The following FBXO25 variants were observed in gnomAD, a reference collection of about 807,000 sequenced individuals.
The protein encoded by FBXO25 is F-box only protein 25.
FBXO25 carries 45 observed loss-of-function variants against 51.9 expected under a neutral mutation model. The observed-to-expected ratio is 0.87, with a 90% CI of 0.68 to 1.11. The LOEUF (loss-of-function observed/expected upper bound fraction) is 1.11, where lower values mean the gene tolerates loss of function less well. FBXO25 is among the 50% of genes most tolerant of loss of function. FBXO25 has a pLI of 0.00. For synonymous variants in FBXO25, 199 were observed against 151.0 expected (o/e 1.32, Z -2.33); for missense variants, 507 against 428.5 (o/e 1.18, Z -1.62).
intron 2 of FBXO25, among the ~76,000 whole-genome samples, chr8:425,449 T>G (rs1016423468): frequency 6.6e-6 from 1 of 151,806 alleles, no homozygotes; most frequent in Non-Finnish European, 1.5e-5. Flanking sequence ...TTTGGTTGAT[T>G]ATTTTATCTT....
intron 9 of FBXO25, chr8:467,764 C>T (rs377525243): frequency 1.9e-6 from 3 of 1,613,680 alleles, no homozygotes; most frequent in African/African-American, 1.3e-5. Context: ...CCTGTCTTGC[C>T]ACACATCCTG....
intron 7 of FBXO25, among the ~76,000 whole-genome samples, chr8:454,766 C>G (rs996052968): frequency 6.6e-6 from 1 of 151,970 alleles, no homozygotes; most frequent in Non-Finnish European, 1.5e-5. Context: ...TGGGACGTGC[C>G]TGTGGTCCCA....
intron 6 of FBXO25, 149 bp from the exon 7 acceptor site, chr8:451,120 T>G: frequency 1.6e-6 from 1 of 628,616 alleles, no homozygotes; most frequent in South Asian, 2.5e-5. Context: ...TCCCTCCTTT[T>G]TAGGGCTGAA....
In FBXO25 at chr8:474,851, C is replaced by G. The variant is rs1318609300; in HGVS notation, c.*6047C>G. On this transcript the variant is annotated 3_prime_UTR_variant, in exon 10 of 10. Transcript: ENST00000350302. ...GAAGTTGTTTCTTTCTTTTAGTTAC[C>G]TGTGTGTGCCTCTGGTGTCATATCT... is the stretch of plus-strand genomic sequence containing the variant. The G allele has an allele frequency of 4.4e-6, 2 of 451,820 alleles. No individual in the cohort carries two copies. Among genetic ancestry groups the G allele is most frequent in the East Asian group, 7.0e-5 (1 of 14,354 alleles). 28.0% of individuals were successfully genotyped at this position (451,820 alleles called of 1,614,324 possible).
At position 471,910 on chromosome 8, in the gene FBXO25, T is replaced by C. The variant is rs991421583; in HGVS notation, c.*3106T>C. On this transcript the variant is annotated 3_prime_UTR_variant, in exon 10 of 10. Coordinates refer to ENST00000350302, the MANE Select transcript of FBXO25 (RefSeq NM_183420.2). ...AAAATTTAACCATCTGTGAACAGTT[T>C]TTTGCCTTAAGTGCTGCTTTTAGAA... The C allele has an allele frequency of 3.3e-5, 5 of 152,224 alleles. No individual in the cohort carries two copies. The highest frequency in any genetic ancestry group is 1.2e-4 in the African/African-American group (5 of 41,440). 9.4% of individuals were successfully genotyped at this position (152,224 alleles called of 1,614,324 possible). A position where few individuals can be genotyped will look rare whatever the true frequency, so the allele number is the denominator to read the frequency against.
Position 470,940 on chromosome 8 carries a change from G to A in FBXO25, c.*2136G>A, listed in dbSNP as rs533363705. 6.6e-6 allele frequency: 1 copy of A among 152,180 alleles called. No homozygotes were observed. The highest frequency in any genetic ancestry group is 1.5e-5 in the Non-Finnish European group (1 of 67,986). 9.4% of individuals were successfully genotyped at this position (152,180 alleles called of 1,614,324 possible). Reference sequence around the variant, plus strand: ...TTTTCATGTTAGTTTCTTCTTAAAAGGAAACTATCCTTTTGAAGTTGTGGT... The same window carrying A: ...TTTTCATGTTAGTTTCTTCTTAAAAAGAAACTATCCTTTTGAAGTTGTGGT... On this transcript the variant is annotated 3_prime_UTR_variant, in exon 10 of 10. Coordinates refer to ENST00000350302, the MANE Select transcript of FBXO25 (RefSeq NM_183420.2).
chr8:421,761 G>C (rs1797170684), intron 2 of FBXO25, among the ~76,000 whole-genome samples: 1 of 152,212 alleles, frequency 6.6e-6, no homozygotes, highest in Non-Finnish European at 1.5e-5. Context: ...CCTCAGGGAA[G>C]GGGTTGGTTC....
At chr8:416,945 C>A (rs998910887) in intron 2 of FBXO25, among the ~76,000 whole-genome samples, 1 of 152,160 alleles carries the variant, frequency 6.6e-6, no homozygotes, top group Non-Finnish European at 1.5e-5. Flanking sequence ...AGAGGAAGAT[C>A]TATAGAGAGT....
In FBXO25 at chr8:470,294, C is replaced by G. The variant is rs1780168752; in HGVS notation, c.*1490C>G. ...CAACCACTGGTAGTACAGCCAACATCATGAGTCAAACATATTTTAAGGCTT... is the reference window on the plus strand; with the variant it reads ...CAACCACTGGTAGTACAGCCAACATGATGAGTCAAACATATTTTAAGGCTT... On this transcript the variant is annotated 3_prime_UTR_variant, in exon 10 of 10. Coordinates refer to ENST00000350302, the MANE Select transcript of FBXO25 (RefSeq NM_183420.2). The G allele has an allele frequency of 1.3e-5, 2 of 152,180 alleles. No individual in the cohort carries two copies. The highest frequency in any genetic ancestry group is 2.4e-5 in the African/African-American group (1 of 41,446). The allele number at this position is 152,180 out of a possible 1,614,324, so 9.4% of individuals were successfully genotyped here.
In FBXO25 at chr8:429,848, C is replaced by G. The variant is rs561727901; in HGVS notation, c.135-1493C>G. On this transcript the variant is annotated intron_variant, in intron 2 of 9. Coordinates refer to ENST00000350302, the MANE Select transcript of FBXO25 (RefSeq NM_183420.2). The stretch of plus-strand genomic sequence containing the variant: ...CAGTGCCCAAGAAGGTCACCTCCAC[C>G]TGTGGAATCCACAGTGTGGGTAGCC... Among the ~76,000 whole-genome samples, 232 of 152,350 alleles carry G rather than the reference C, an allele frequency of 1.5e-3. 1 individual carries two copies. Among genetic ancestry groups the G allele is most frequent in the African/African-American group, 5.4e-3 (223 of 41,594 alleles).
At chr8:420,808 G>C (rs1380705334) in intron 2 of FBXO25, among the ~76,000 whole-genome samples, 1 of 152,218 alleles carries the variant, frequency 6.6e-6, no homozygotes, top group Non-Finnish European at 1.5e-5. Flanking sequence ...GACAAAGAGA[G>C]TCAGAGGCAG....
At chr8:450,340 A>G (rs1799002201) in intron 6 of FBXO25, among the ~76,000 whole-genome samples, 1 of 152,200 alleles carries the variant, frequency 6.6e-6, no homozygotes, top group Non-Finnish European at 1.5e-5. Context: ...TAAAAAAGCT[A>G]TTTTACTTTT....
At chr8:455,303 G>C (rs1379236435) in intron 7 of FBXO25, among the ~76,000 whole-genome samples, 3 of 152,236 alleles carry the variant, frequency 2.0e-5, no homozygotes, top group Non-Finnish European at 2.9e-5. Context: ...AGCCAGGTTG[G>C]AGGGAAGTAA....
intron 5 of FBXO25, among the ~76,000 whole-genome samples, chr8:448,240 T>A (rs1798857678): frequency 6.6e-6 from 1 of 152,046 alleles, no homozygotes; most frequent in Non-Finnish European, 1.5e-5. Flanking sequence ...TAGATGGAAG[T>A]GTACATTGTG....
At position 445,239 on chromosome 8, in the gene FBXO25, T is replaced by G. The variant is rs562326004; in HGVS notation, c.382-4751T>G. On this transcript the variant is annotated intron_variant, in intron 5 of 9. Coordinates refer to ENST00000350302, the MANE Select transcript of FBXO25 (RefSeq NM_183420.2). ...AAACTGACCGTGCTAAGCTAATCCC[T>G]TGCCTTCTGCTGCTGATTTCAGTCT... 1.6e-3 allele frequency among the ~76,000 whole-genome samples: 248 copies of G among 152,304 alleles called. 2 individuals are homozygous for G. Among genetic ancestry groups the G allele is most frequent in the Non-Finnish European group, 1.9e-3 (129 of 68,028 alleles).
Position 413,129 on chromosome 8 carries a change from A to T in FBXO25, c.50A>T (p.Lys17Met), listed in dbSNP as rs774864422. The change falls in exon 2 of 10, where the codon AAG (lysine) becomes ATG (methionine). Residue 17 changes from lysine (K) to methionine (M), a missense_variant. By Grantham distance (95) the Lys-to-Met change is moderately conservative (BLOSUM62 -1). Coordinates refer to ENST00000350302, the MANE Select transcript of FBXO25 (RefSeq NM_183420.2). ...DWRSPGWSWI[K>M]TEDGWKRCES... is the part of the protein sequence containing the mutation. ...AGATCTCCTGGATGGAGTTGGATTA[A>T]GACAGAAGATGGCTGGAAGAGATGT... The T allele has an allele frequency of 3.1e-6, 5 of 1,610,748 alleles. No individual in the cohort carries two copies. The highest frequency in any genetic ancestry group is 4.2e-6 in the Non-Finnish European group (5 of 1,178,550).
At chr8:435,548 A>G (rs902875340) in intron 4 of FBXO25, 67 bp from the exon 5 acceptor site, 290 of 1,556,392 alleles carry the variant, frequency 1.9e-4, no homozygotes, top group Non-Finnish European at 2.3e-4. Flanking sequence ...TCGCACAATT[A>G]ATTGACATTA....
At chr8:430,950 G>C (rs1292921144) in intron 2 of FBXO25, among the ~76,000 whole-genome samples, 1 of 152,156 alleles carries the variant, frequency 6.6e-6, no homozygotes, top group Non-Finnish European at 1.5e-5. Context: ...AATGTTGAGT[G>C]GTTACTCAGC....
At position 473,573 on chromosome 8, in the gene FBXO25, C is replaced by T. The variant is rs550995938; in HGVS notation, c.*4769C>T. The stretch of plus-strand genomic sequence containing the variant: ...TGTACTTGGTCCTCTTCCTTCCAAT[C>T]CTCACTGGCTCAAATCCACAGAGTG... On this transcript the variant is annotated 3_prime_UTR_variant, in exon 10 of 10. Coordinates refer to ENST00000350302, the MANE Select transcript of FBXO25 (RefSeq NM_183420.2). The T allele has an allele frequency of 5.3e-5, 8 of 152,340 alleles. No homozygotes were observed. The highest frequency in any genetic ancestry group is 1.7e-4 in the African/African-American group (7 of 41,552). The allele number at this position is 152,340 out of a possible 1,614,324, so 9.4% of individuals were successfully genotyped here. A position where few individuals can be genotyped will look rare whatever the true frequency, so the allele number is the denominator to read the frequency against.
Sources: allele counts gnomAD v4.1 joint callset (sites outside exome capture counted in the v4.1 genomes callset), GRCh38; gene constraint gnomAD v4.1.1; transcripts MANE v1.5; gene names NCBI Gene and HGNC (gene_info 2026-07-23, HGNC 2026-07-21).